PSMD1: variants seen among roughly 807,000 people sequenced by gnomAD.
PSMD1 encodes 26S proteasome non-ATPase regulatory subunit 1.
In PSMD1, 18 loss-of-function variants were observed where a neutral mutation model predicts 119.0. The observed-to-expected ratio is 0.15, with a 90% CI of 0.10 to 0.22. The LOEUF is 0.22. Among genes scored for constraint, PSMD1 ranks in the 10% least tolerant of loss-of-function variants. PSMD1 has a pLI of 1.00. For synonymous variants in PSMD1, 374 were observed against 396.6 expected (o/e 0.94, Z 0.68); for missense variants, 702 against 1,158.5 (o/e 0.61, Z 5.72).
At chr2:231,158,704 C>T (rs894764290) in intron 19 of PSMD1, among the ~76,000 whole-genome samples, 3 of 152,292 alleles carry the variant, frequency 2.0e-5, no homozygotes, top group South Asian at 4.2e-4. Context: ...TTCCCACTAG[C>T]ACCCAGGTTT....
chr2:231,170,438 TCTA>T lies in PSMD1; in HGVS notation c.2716-125_2716-123del, dbSNP rs1310692282. On this transcript the variant is annotated intron_variant, in intron 23 of 24. Transcript: ENST00000308696. The surrounding 1 kb of genome is among the most constrained non-coding windows in gnomAD (Gnocchi z 4.1). ...ACAGTTATCTTTATCCCAGTAAAGT[TCTA>T]CTCCAGTTTTTCACTTCCAAATCAT... 2.0e-6 allele frequency: 2 copies of T among 994,576 alleles called. No homozygotes were observed. Among genetic ancestry groups the T allele is most frequent in the Admixed American group, 6.0e-5 (2 of 33,086 alleles). The allele number at this position is 994,576 out of a possible 1,614,324, so 61.6% of individuals were successfully genotyped here.
chr2:231,147,896 G>A (rs773259120), intron 18 of PSMD1, among the ~76,000 whole-genome samples: 1 of 152,038 alleles, frequency 6.6e-6, no homozygotes, highest in Non-Finnish European at 1.5e-5. Flanking sequence ...AAAAATTTCC[G>A]GAACTCATTG....
chr2:231,153,332 C>T, intron 18 of PSMD1: 4 of 473,322 alleles, frequency 8.5e-6, no homozygotes, highest in Non-Finnish European at 1.5e-5. Context: ...TTGAAACATC[C>T]ACTGTGGAAT....
At chr2:231,060,194 A>G (rs1439812061) in intron 1 of PSMD1, among the ~76,000 whole-genome samples, 1 of 152,168 alleles carries the variant, frequency 6.6e-6, no homozygotes, top group Non-Finnish European at 1.5e-5. Flanking sequence ...TCCATTCAGA[A>G]TCTCTGTTCT....
At chr2:231,141,395 C>T (rs79136070) in intron 17 of PSMD1, among the ~76,000 whole-genome samples, 2,841 of 149,346 alleles carry the variant, frequency 0.019, 222 homozygotes, top group South Asian at 0.19. Flanking sequence ...GTATTTCATC[C>T]TATTCTGTCT....
chr2:231,151,478 G>T (rs927516441), intron 18 of PSMD1, among the ~76,000 whole-genome samples: 7 of 152,064 alleles, frequency 4.6e-5, no homozygotes, highest in Non-Finnish European at 8.8e-5. Flanking sequence ...AATTTAAAAT[G>T]ATAAAAACTA....
chr2:231,146,365 A>G lies in PSMD1; in HGVS notation c.2115+9A>G. On this transcript the variant is annotated intron_variant, in intron 18 of 24. Coordinates refer to ENST00000308696, the MANE Select transcript of PSMD1 (RefSeq NM_002807.4). ...AAATCACTTGTCCAAAGGTGAGCAA[A>G]CAAAGAAATTCCCTGGAAGAGAGAT... The G allele has an allele frequency of 1.3e-6, 2 of 1,588,858 alleles. No homozygotes were observed. Among genetic ancestry groups the G allele is most frequent in the South Asian group, 1.1e-5 (1 of 90,000 alleles).
intron 16 of PSMD1, among the ~76,000 whole-genome samples, chr2:231,094,416 T>C (rs934190134): frequency 6.6e-6 from 1 of 152,106 alleles, no homozygotes; most frequent in Non-Finnish European, 1.5e-5. Context: ...ATAGGATGTG[T>C]ACGTTGATCC....
At chr2:231,156,659 ATTCTTT>A (rs1696513861) in intron 19 of PSMD1, among the ~76,000 whole-genome samples, 1 of 151,790 alleles carries the variant, frequency 6.6e-6, no homozygotes, top group African/African-American at 2.4e-5. Context: ...CCCCTTTTTC[ATTCTTT>A]TTCTTTTTAA....
chr2:231,150,240 G>T (rs2125257225), intron 18 of PSMD1, among the ~76,000 whole-genome samples: 1 of 152,006 alleles, frequency 6.6e-6, no homozygotes, highest in South Asian at 2.1e-4. Flanking sequence ...CCAGCTACTT[G>T]GGAGGCTGAG....
intron 16 of PSMD1, among the ~76,000 whole-genome samples, chr2:231,107,172 C>T (rs978579008): frequency 6.6e-6 from 1 of 152,090 alleles, no homozygotes. Context: ...TATATATAGC[C>T]AGTAAGGAAT....
At chr2:231,131,322 A>G (rs1015714930) in intron 16 of PSMD1, among the ~76,000 whole-genome samples, 1 of 152,168 alleles carries the variant, frequency 6.6e-6, no homozygotes, top group South Asian at 2.1e-4. Flanking sequence ...TATTCATTAT[A>G]TGTTACAAAA....
At chr2:231,118,644 AC>A (rs992764500) in intron 16 of PSMD1, among the ~76,000 whole-genome samples, 4 of 151,972 alleles carry the variant, frequency 2.6e-5, no homozygotes, top group Non-Finnish European at 4.4e-5. Flanking sequence ...TTTACTAGAA[AC>A]CCCGTATCTT....
chr2:231,161,603 A>G, intron 20 of PSMD1, 94 bp downstream of exon 20: 3 of 1,288,980 alleles, frequency 2.3e-6, no homozygotes, highest in Non-Finnish European at 3.2e-6. Context: ...ATTAAATTTT[A>G]AAGATGAGTT....
At chr2:231,126,235 CA>C (rs941153477) in intron 16 of PSMD1, among the ~76,000 whole-genome samples, 1 of 151,602 alleles carries the variant, frequency 6.6e-6, no homozygotes, top group Non-Finnish European at 1.5e-5. Flanking sequence ...CCCATCTCTA[CA>C]AAAAAAACCA....
chr2:231,068,193 A>G (rs534723358), intron 5 of PSMD1, among the ~76,000 whole-genome samples: 1 of 152,322 alleles, frequency 6.6e-6, no homozygotes, highest in Non-Finnish European at 1.5e-5. Flanking sequence ...ATCATAAGCT[A>G]TATCGGGACA....
intron 23 of PSMD1, among the ~76,000 whole-genome samples, chr2:231,166,950 T>G (rs183494152): frequency 6.5e-4 from 99 of 152,346 alleles, no homozygotes; most frequent in Non-Finnish European, 1.0e-3. Flanking sequence ...GGGTTTTTAT[T>G]TCTACTGTTA....
At chr2:231,165,427 A>C in intron 22 of PSMD1, 141 bp downstream of exon 22, 1 of 1,124,440 alleles carries the variant, frequency 8.9e-7, no homozygotes, top group Non-Finnish European at 1.2e-6. Context: ...TAGAATCATC[A>C]AACTGTACTT....
chr2:231,108,306 T>C, intron 16 of PSMD1: 1 of 509,184 alleles, frequency 2.0e-6, no homozygotes, highest in Non-Finnish European at 3.5e-6. Flanking sequence ...GAGTGCTGGA[T>C]TGTTTTCATT....
Sources: allele counts gnomAD v4.1 joint callset (sites outside exome capture counted in the v4.1 genomes callset), GRCh38; gene constraint gnomAD v4.1.1; non-coding constraint Gnocchi (gnomAD v3.1); transcripts MANE v1.5; gene names NCBI Gene and HGNC (gene_info 2026-07-23, HGNC 2026-07-21).